The following GALNTL6 variants were observed in gnomAD, a reference collection of about 807,000 sequenced individuals.
GALNTL6 encodes polypeptide N-acetylgalactosaminyltransferase like 6, also known as polypeptide N-acetylgalactosaminyltransferase-like 6.
A neutral mutation model predicts 73.7 loss-of-function variants in GALNTL6; 46 were observed. The ratio of observed to expected loss-of-function variants is 0.62; its 90% CI spans 0.49 to 0.80. The LOEUF (loss-of-function observed/expected upper bound fraction) is 0.80, where lower values mean the gene tolerates loss of function less well. Among genes scored for constraint, GALNTL6 ranks in the 30% least tolerant of loss-of-function variants. The pLI, the probability that GALNTL6 is intolerant of heterozygous loss-of-function variation, is 0.00. For missense variants in GALNTL6, 604 were observed against 755.0 expected (o/e 0.80, Z 2.34); for synonymous variants, 259 against 263.7 (o/e 0.98, Z 0.17).
At chr4:172,430,872 G>C (rs2111381980) in intron 5 of GALNTL6, among the ~76,000 whole-genome samples, 1 of 152,114 alleles carries the variant, frequency 6.6e-6, no homozygotes, top group East Asian at 1.9e-4. Flanking sequence ...GTTGAAATAG[G>C]ATTATTAAAA....
At chr4:172,807,165 G>T (rs1284481758) in intron 5 of GALNTL6, among the ~76,000 whole-genome samples, 1 of 152,188 alleles carries the variant, frequency 6.6e-6, no homozygotes, top group Non-Finnish European at 1.5e-5. Flanking sequence ...GCACACAGTG[G>T]AGAAGGGAGG....
chr4:171,814,062 C>T (rs1326593827), intron 1 of GALNTL6, 72 bp downstream of exon 1: 1 of 153,458 alleles, frequency 6.5e-6, no homozygotes, highest in African/African-American at 2.4e-5. Flanking sequence ...GTTCCAATGT[C>T]AAAAGCGGAC....
At chr4:171,823,798 G>A (rs1209718230) in intron 2 of GALNTL6, among the ~76,000 whole-genome samples, 1 of 151,174 alleles carries the variant, frequency 6.6e-6, no homozygotes, top group East Asian at 1.9e-4. Context: ...CAGAGTGAAG[G>A]AAACAAACAA....
chr4:172,470,981 G>C (rs1429029050), intron 5 of GALNTL6, among the ~76,000 whole-genome samples: 1 of 152,140 alleles, frequency 6.6e-6, no homozygotes, highest in South Asian at 2.1e-4. Flanking sequence ...TATTCAGATG[G>C]TCTGCACCAG....
chr4:172,729,851 C>A (rs1418423940), intron 5 of GALNTL6, among the ~76,000 whole-genome samples: 1 of 152,076 alleles, frequency 6.6e-6, no homozygotes, highest in East Asian at 1.9e-4. Flanking sequence ...ATTAATTGTT[C>A]CAATCCATGA....
intron 5 of GALNTL6, among the ~76,000 whole-genome samples, chr4:172,375,345 C>A (rs1399160598): frequency 1.3e-5 from 2 of 152,158 alleles, no homozygotes; most frequent in East Asian, 3.8e-4. Flanking sequence ...AATATTGGGG[C>A]CAAGCCATAG....
chr4:172,621,933 C>A (rs1011606040), intron 5 of GALNTL6, among the ~76,000 whole-genome samples: 7 of 152,012 alleles, frequency 4.6e-5, no homozygotes, highest in African/African-American at 1.7e-4. Flanking sequence ...TGTCTTCTTA[C>A]CAATCTAACG....
intron 2 of GALNTL6, among the ~76,000 whole-genome samples, chr4:171,987,690 T>G (rs1740146461): frequency 6.6e-6 from 1 of 152,112 alleles, no homozygotes; most frequent in Non-Finnish European, 1.5e-5. Flanking sequence ...GGAAAGGAAA[T>G]GAGAGGTTCT....
intron 5 of GALNTL6, among the ~76,000 whole-genome samples, chr4:172,581,494 G>C (rs1252510805): frequency 1.3e-5 from 2 of 152,096 alleles, no homozygotes; most frequent in East Asian, 3.9e-4. Flanking sequence ...TCCACAAAAG[G>C]CCTTTCTCAA....
intron 5 of GALNTL6, among the ~76,000 whole-genome samples, chr4:172,566,557 T>G (rs776136413): frequency 6.6e-6 from 1 of 151,930 alleles, no homozygotes. Context: ...TGAGGGAAGT[T>G]TATAGCAATA....
chr4:172,275,643 G>T (rs767177152), intron 3 of GALNTL6, among the ~76,000 whole-genome samples: 15 of 152,156 alleles, frequency 9.9e-5, no homozygotes, highest in Non-Finnish European at 1.8e-4. Context: ...CAACAGAGAA[G>T]AATAAAAAGA....
chr4:172,427,199 A>T (rs1731264102), intron 5 of GALNTL6, among the ~76,000 whole-genome samples: 1 of 152,164 alleles, frequency 6.6e-6, no homozygotes, highest in Non-Finnish European at 1.5e-5. Flanking sequence ...AGACTGGGTA[A>T]TTTATAAAGG....
intron 12 of GALNTL6, among the ~76,000 whole-genome samples, chr4:173,022,071 G>GA (rs1269651200): frequency 6.0e-5 from 8 of 132,874 alleles, no homozygotes; most frequent in South Asian, 2.5e-4. Context: ...AGGAAGGAAG[G>GA]AAGGAAGGAA....
In GALNTL6 at chr4:172,977,187, G is replaced by T. The variant is rs75643313; in HGVS notation, c.1371+24929G>T. Among the ~76,000 whole-genome samples, 1,612 of 152,286 alleles carry T rather than the reference G, an allele frequency of 0.011. 61 individuals carry two copies. The East Asian group carries it at 0.11, about 10-fold the overall frequency. On this transcript the variant is annotated intron_variant, in intron 10 of 12. Coordinates refer to ENST00000506823, the MANE Select transcript of GALNTL6 (RefSeq NM_001034845.3). ...AGAGGCTGTTTCACATTATCAGGGA[G>T]GCCAGTGGGTTTGTTTGCCAGAAAG...
intron 5 of GALNTL6, among the ~76,000 whole-genome samples, chr4:172,735,502 G>A (rs1736407432): frequency 6.6e-6 from 1 of 152,164 alleles, no homozygotes; most frequent in Admixed American, 6.5e-5. Flanking sequence ...TAGGCAGAAG[G>A]GACTTGCCTT....
intron 5 of GALNTL6, among the ~76,000 whole-genome samples, chr4:172,596,522 T>C (rs1372280404): frequency 1.3e-5 from 2 of 152,130 alleles, no homozygotes; most frequent in Non-Finnish European, 2.9e-5. Flanking sequence ...GATTTATTTT[T>C]CTATCCTAGG....
At chr4:172,559,669 A>G (rs1736280417) in intron 5 of GALNTL6, among the ~76,000 whole-genome samples, 1 of 152,206 alleles carries the variant, frequency 6.6e-6, no homozygotes, top group Non-Finnish European at 1.5e-5. Context: ...TGAGTTTTCT[A>G]AGAAGTCTGA....
intron 3 of GALNTL6, among the ~76,000 whole-genome samples, chr4:172,301,302 C>T (rs905975887): frequency 1.3e-5 from 2 of 152,172 alleles, no homozygotes; most frequent in African/African-American, 4.8e-5. Context: ...ACTTCTTTGC[C>T]ATGGGTTCGA....
At chr4:172,554,049 A>T (rs1008977001) in intron 5 of GALNTL6, among the ~76,000 whole-genome samples, 7 of 152,158 alleles carry the variant, frequency 4.6e-5, no homozygotes, top group Non-Finnish European at 8.8e-5. Context: ...AAGAAAACAA[A>T]AAGTACCAGC....
Sources: gnomAD v4.1 joint callset for allele counts (sites outside exome capture counted in the v4.1 genomes callset) on GRCh38, gnomAD v4.1.1 for gene constraint, MANE v1.5 for transcripts, NCBI Gene and HGNC (gene_info 2026-07-23, HGNC 2026-07-21) for gene names.